Variants in SPAG6 observed in about 807,000 individuals in gnomAD.
SPAG6 encodes the protein sperm associated antigen 6.
SPAG6 carries 49 observed loss-of-function variants against 58.5 expected under a neutral mutation model. The ratio of observed to expected loss-of-function variants is 0.84; its 90% CI spans 0.67 to 1.06. The LOEUF is 1.06. SPAG6 is among the 50% of genes least tolerant of loss of function. The pLI, the probability that SPAG6 is intolerant of heterozygous loss-of-function variation, is 0.00. For missense variants in SPAG6, 560 were observed against 611.3 expected, an observed-to-expected ratio of 0.92 and a Z score of 0.89; for synonymous variants, 233 against 225.6, an observed-to-expected ratio of 1.03 and a Z score of -0.29.
chr10:22,382,187 T>G (rs1170548), intron 4 of SPAG6, among the ~76,000 whole-genome samples: 127,149 of 152,134 alleles, frequency 0.84, 53,684 homozygotes, highest in African/African-American at 0.95. Flanking sequence ...GTGAAAAGAT[T>G]ACGCTTCCCC....
chr10:22,345,631 T>C lies in SPAG6; in HGVS notation c.20T>C (p.Leu7Pro). MSQRQV[L>P]QVFEQYQKAR... is the part of the protein sequence containing the mutation. ...GGCGCCATGAGTCAGAGGCAGGTGC[T>C]GCAAGGTAGGGCCGAGGCGGGCAGG... The change falls in exon 1 of 11, where the codon CTG becomes CCG. Residue 7 changes from leucine (L) to proline (P), a missense_variant. Transcript: ENST00000376624. This position sits in a 1 kb window ranked among gnomAD's most constrained non-coding sequence, Gnocchi z 6.3. 1 of 1,541,450 alleles carries C rather than the reference T, an allele frequency of 6.5e-7. No homozygotes were observed. Among genetic ancestry groups the C allele is most frequent in the East Asian group, 2.4e-5 (1 of 40,864 alleles).
At position 22,364,881 on chromosome 10, in the gene SPAG6, T is replaced by G. The variant is rs907916512; in HGVS notation, c.150T>G (p.Leu50=). The change falls in exon 3 of 11, where the codon CTT becomes CTG. Residue 50 remains leucine (L), a synonymous_variant. Coordinates refer to ENST00000376624, the MANE Select transcript of SPAG6 (RefSeq NM_012443.4). Reference sequence around the variant, plus strand: ...TAATGTCTTTGCTGAGAACTCTTCTTCTGGACGTGGTCCCAACAATTCAAC... The same window carrying G: ...TAATGTCTTTGCTGAGAACTCTTCTGCTGGACGTGGTCCCAACAATTCAAC... ...AGVMSLLRTL[L]LDVVPTIQQT... 7.4e-6 allele frequency: 12 copies of G among 1,611,654 alleles called. No individual in the cohort carries two copies. The highest frequency in any genetic ancestry group is 7.6e-6 in the Non-Finnish European group (9 of 1,179,164).
At chr10:22,392,863 T>A (rs917221858) in intron 8 of SPAG6, among the ~76,000 whole-genome samples, 1 of 152,136 alleles carries the variant, frequency 6.6e-6, no homozygotes, top group Admixed American at 6.6e-5. Flanking sequence ...TTATGTATAT[T>A]TGGTCATGTT....
At chr10:22,384,103 A>T (rs1834015998) in intron 4 of SPAG6, among the ~76,000 whole-genome samples, 1 of 152,248 alleles carries the variant, frequency 6.6e-6, no homozygotes, top group South Asian at 2.1e-4. Context: ...GAACAATGTC[A>T]TGGAGTACCC....
chr10:22,371,385 C>G (rs1833688540), intron 4 of SPAG6, among the ~76,000 whole-genome samples: 1 of 152,090 alleles, frequency 6.6e-6, no homozygotes. Flanking sequence ...TCCTAAATAG[C>G]TGGGATTACA....
intron 4 of SPAG6, among the ~76,000 whole-genome samples, chr10:22,372,505 C>T (rs527468858): frequency 6.6e-6 from 1 of 152,206 alleles, no homozygotes; most frequent in East Asian, 1.9e-4. Context: ...GTGAGGGAGG[C>T]CGCTGCAGGA....
In SPAG6 at chr10:22,364,911, T is replaced by G; in HGVS notation, c.180T>G (p.Thr60=). The change falls in exon 3 of 11, where the codon ACT becomes ACG. Residue 60 remains threonine, a synonymous_variant. Coordinates refer to ENST00000376624, the MANE Select transcript of SPAG6 (RefSeq NM_012443.4). ...ACGTGGTCCCAACAATTCAACAGAC[T>G]GCTGCTTTGGCTCTTGGGAGACTGG... The part of the protein sequence containing the change: ...LLDVVPTIQQ[T]AALALGRLAN... 6.2e-7 allele frequency: 1 copy of G among 1,613,574 alleles called. No homozygotes were observed. The highest frequency in any genetic ancestry group is 8.5e-7 in the Non-Finnish European group (1 of 1,179,614).
intron 9 of SPAG6, among the ~76,000 whole-genome samples, chr10:22,403,714 A>T (rs1465047805): frequency 4.9e-5 from 7 of 141,438 alleles, no homozygotes; most frequent in African/African-American, 1.4e-4. Context: ...CGCCACACTG[A>T]CTTCCACAAT....
chr10:22,377,542 A>G (rs1487222611), intron 4 of SPAG6, among the ~76,000 whole-genome samples: 1 of 152,216 alleles, frequency 6.6e-6, no homozygotes, highest in East Asian at 1.9e-4. Context: ...CTCAAGTGGG[A>G]AACTGGTTAA....
In SPAG6 at chr10:22,363,158, T is replaced by C. The variant is rs149412234; in HGVS notation, c.122-1695T>C. 2.0e-5 allele frequency among the ~76,000 whole-genome samples: 3 copies of C among 152,312 alleles called. No individual in the cohort carries two copies. In the East Asian group the frequency reaches 5.8e-4, roughly 29 times the overall value. On this transcript the variant is annotated intron_variant, in intron 2 of 10. Coordinates refer to ENST00000376624, the MANE Select transcript of SPAG6 (RefSeq NM_012443.4). ...GTAAACTTAAAAATGGTTAAAATGG[T>C]AATTTTTATTTTATTTGTATTTTAC...
chr10:22,395,209 T>C (rs570666449), intron 8 of SPAG6, among the ~76,000 whole-genome samples: 1 of 152,360 alleles, frequency 6.6e-6, no homozygotes, highest in South Asian at 2.1e-4. Context: ...TTATAAACAT[T>C]ATTGTAACAA....
chr10:22,371,468 G>T (rs1271378388), intron 4 of SPAG6, among the ~76,000 whole-genome samples: 1 of 152,076 alleles, frequency 6.6e-6, no homozygotes, highest in Non-Finnish European at 1.5e-5. Flanking sequence ...TGGTCAGGCT[G>T]GTCTCGAACT....
intron 2 of SPAG6, among the ~76,000 whole-genome samples, chr10:22,354,748 C>T (rs1027583808): frequency 1.3e-5 from 2 of 152,138 alleles, no homozygotes; most frequent in Admixed American, 6.5e-5. Flanking sequence ...CGGTGGCTCA[C>T]GCCTGTAACC....
intron 4 of SPAG6, among the ~76,000 whole-genome samples, chr10:22,378,261 A>G (rs1329381688): frequency 2.6e-5 from 4 of 151,552 alleles, no homozygotes; most frequent in African/African-American, 9.7e-5. Flanking sequence ...ACGGGGTTTC[A>G]CTATGTTGGC....
At chr10:22,390,667 T>C (rs1834164875) in intron 7 of SPAG6, among the ~76,000 whole-genome samples, 1 of 152,228 alleles carries the variant, frequency 6.6e-6, no homozygotes, top group South Asian at 2.1e-4. Context: ...ACTGTCTCCT[T>C]TTCCTCCTGT....
chr10:22,399,359 G>A (rs1243831833), intron 8 of SPAG6, among the ~76,000 whole-genome samples: 2 of 152,060 alleles, frequency 1.3e-5, no homozygotes, highest in Non-Finnish European at 2.9e-5. Flanking sequence ...TCTACTTTCT[G>A]TGTTTCTGAA....
intron 2 of SPAG6, among the ~76,000 whole-genome samples, chr10:22,351,789 A>G (rs891715359): frequency 3.3e-5 from 5 of 152,164 alleles, no homozygotes; most frequent in Admixed American, 6.5e-5. Flanking sequence ...CTAATTTTCA[A>G]AGTGAAATCT....
intron 2 of SPAG6, among the ~76,000 whole-genome samples, chr10:22,357,596 T>G (rs1241062665): frequency 2.6e-5 from 4 of 152,066 alleles, no homozygotes; most frequent in East Asian, 1.9e-4. Context: ...TTTTAATTAT[T>G]ATTATACTTT....
At chr10:22,372,535 C>T (rs1270293529) in intron 4 of SPAG6, among the ~76,000 whole-genome samples, 2 of 152,160 alleles carry the variant, frequency 1.3e-5, no homozygotes, top group Non-Finnish European at 2.9e-5. Context: ...CCCTCCTCCC[C>T]TGGTCCCCAG....
Sources: gnomAD v4.1 joint callset for allele counts (sites outside exome capture counted in the v4.1 genomes callset) on GRCh38, gnomAD v4.1.1 for gene constraint, Gnocchi (gnomAD v3.1) non-coding constraint, MANE v1.5 for transcripts, NCBI Gene and HGNC (gene_info 2026-07-23, HGNC 2026-07-21) for gene names.